Variants in RASEF observed in about 807,000 individuals in gnomAD.
The protein encoded by RASEF is ras and EF-hand domain-containing protein.
In RASEF, 68 loss-of-function variants were observed where a neutral mutation model predicts 90.1. That is an observed-to-expected ratio of 0.75 (90% CI 0.62 to 0.92). The LOEUF (loss-of-function observed/expected upper bound fraction) is 0.92, where lower values mean the gene tolerates loss of function less well. RASEF is among the 40% of genes least tolerant of loss of function. The pLI is 0.00. For missense variants in RASEF, 949 were observed against 937.2 expected (o/e 1.01, Z -0.16); for synonymous variants, 331 against 345.2 (o/e 0.96, Z 0.46).
At chr9:83,064,700 A>C (rs886561932), upstream of RASEF, among the ~76,000 whole-genome samples, 13 of 152,204 alleles carry the variant, frequency 8.5e-5, no homozygotes, top group African/African-American at 3.1e-4. Flanking sequence ...CTTTGTGCTC[A>C]TTTTTTCTGA....
At chr9:83,080,302 C>T in the RASEF span, among the ~76,000 whole-genome samples, 1 of 152,188 alleles carries the variant, frequency 6.6e-6, no homozygotes, top group Admixed American at 6.5e-5. Context: ...AGGAGACAGT[C>T]ATGCATCACA....
At chr9:83,048,343 T>C (rs905565894) in intron 1 of RASEF, 1 of 985,380 alleles carries the variant, frequency 1.0e-6, no homozygotes, top group Non-Finnish European at 1.2e-6. Flanking sequence ...GTAGCTGGTC[T>C]GTTTGATTTC....
intron 1 of RASEF, among the ~76,000 whole-genome samples, chr9:83,026,232 T>C (rs1448178440): frequency 6.6e-6 from 1 of 152,210 alleles, no homozygotes; most frequent in East Asian, 1.9e-4. Context: ...AAAAATTAGG[T>C]AACATTAAAT....
chr9:83,160,569 G>C, the RASEF span, among the ~76,000 whole-genome samples: 5 of 152,164 alleles, frequency 3.3e-5, no homozygotes, highest in Non-Finnish European at 7.4e-5. Flanking sequence ...TAAAAGTTTG[G>C]AAAATTTGCA....
intron 13 of RASEF, among the ~76,000 whole-genome samples, chr9:82,997,632 C>T (rs1175136630): frequency 6.6e-6 from 1 of 152,146 alleles, no homozygotes; most frequent in Non-Finnish European, 1.5e-5. Context: ...GAAGAGAACA[C>T]CTCAACACAC....
At chr9:83,144,322 AGAAG>A in the RASEF span, among the ~76,000 whole-genome samples, 4,729 of 113,730 alleles carry the variant, frequency 0.042, 365 homozygotes, top group African/African-American at 0.12. Flanking sequence ...AAAGAAAGAA[AGAAG>A]GAAAGAAAGA....
At chr9:83,173,618 TC>T in the RASEF span, among the ~76,000 whole-genome samples, 1 of 151,866 alleles carries the variant, frequency 6.6e-6, no homozygotes, top group Non-Finnish European at 1.5e-5. Context: ...TTGTTAAATT[TC>T]TTTGATAGCA....
At chr9:83,168,564 C>T in the RASEF span, among the ~76,000 whole-genome samples, 898 of 152,196 alleles carry the variant, frequency 5.9e-3, 11 homozygotes, top group African/African-American at 0.021. Context: ...AATCATCCAT[C>T]TGATGAGGGA....
chr9:83,004,103 TATA>T (rs1252994003), intron 9 of RASEF, among the ~76,000 whole-genome samples: 1 of 152,192 alleles, frequency 6.6e-6, no homozygotes, highest in African/African-American at 2.4e-5. Flanking sequence ...ACATAGCTCA[TATA>T]ATATTATGCT....
chr9:83,017,205 G>T (rs1239112395), intron 3 of RASEF, among the ~76,000 whole-genome samples: 1 of 151,760 alleles, frequency 6.6e-6, no homozygotes, highest in Non-Finnish European at 1.5e-5. Context: ...CTTTATCCAG[G>T]CCAGGCATGG....
At chr9:83,036,719 G>A (rs1283617248) in intron 1 of RASEF, among the ~76,000 whole-genome samples, 2 of 152,092 alleles carry the variant, frequency 1.3e-5, no homozygotes, top group African/African-American at 4.8e-5. Flanking sequence ...ACAAAAAAGG[G>A]ACTTTAGGGA....
chr9:83,000,864 G>C (rs1328166992), intron 10 of RASEF, 32 bp downstream of exon 10: 1 of 1,534,818 alleles, frequency 6.5e-7, no homozygotes, highest in South Asian at 1.1e-5. Context: ...TCACGTAGAA[G>C]GCCTAGGAGA....
At chr9:83,049,443 AC>A in intron 1 of RASEF, 1 of 596,676 alleles carries the variant, frequency 1.7e-6, no homozygotes, top group Non-Finnish European at 2.1e-6. Context: ...TTCTATTTAG[AC>A]CACAGAAAAT....
rs202092256 is a variant in RASEF, at chr9:83,015,716, A to G, written c.765+89T>C. 2.0e-4 allele frequency: 191 copies of G among 936,656 alleles called. 1 individual carries two copies. The East Asian group carries it at 3.1e-3, about 15-fold the overall frequency. 58.0% of individuals were successfully genotyped at this position (936,656 alleles called of 1,614,324 possible). Reference sequence around the variant, plus strand: ...GAAATCTGATCTATCCGCCACTTCAATAGGATTCCAAATGTTTTTGGTTGT... The same window carrying G: ...GAAATCTGATCTATCCGCCACTTCAGTAGGATTCCAAATGTTTTTGGTTGT... On this transcript the variant is annotated intron_variant, in intron 4 of 16. Coordinates refer to ENST00000376447, the MANE Select transcript of RASEF (RefSeq NM_152573.4).
the RASEF span, among the ~76,000 whole-genome samples, chr9:83,091,140 C>T: frequency 6.6e-6 from 1 of 152,172 alleles, no homozygotes; most frequent in African/African-American, 2.4e-5. Flanking sequence ...CAAAGAGTCT[C>T]AAGATCAACC....
chr9:83,089,902 A>G, the RASEF span, among the ~76,000 whole-genome samples: 1 of 138,230 alleles, frequency 7.2e-6, no homozygotes, highest in African/African-American at 2.7e-5. Flanking sequence ...TGATAGATAG[A>G]TAGATAGATA....
chr9:82,983,405 C>T (rs1055196092), intron 16 of RASEF, among the ~76,000 whole-genome samples: 30 of 152,040 alleles, frequency 2.0e-4, no homozygotes, highest in African/African-American at 5.8e-4. Context: ...GCAAGACTCA[C>T]GAAAAAATGT....
intron 16 of RASEF, 39 bp from the exon 17 acceptor site, chr9:82,982,821 G>C (rs764794497): frequency 1.8e-6 from 2 of 1,138,742 alleles, no homozygotes; most frequent in East Asian, 2.4e-5. Flanking sequence ...GAGAGAGAGA[G>C]AGAGAGAGAG....
the RASEF span, among the ~76,000 whole-genome samples, chr9:83,080,262 A>G: frequency 6.6e-6 from 1 of 152,222 alleles, no homozygotes; most frequent in African/African-American, 2.4e-5. Context: ...TGTAGCAAAC[A>G]TATTTCCACT....
Sources: allele counts gnomAD v4.1 joint callset (sites outside exome capture counted in the v4.1 genomes callset), GRCh38; gene constraint gnomAD v4.1.1; transcripts MANE v1.5; gene names NCBI Gene and HGNC (gene_info 2026-07-23, HGNC 2026-07-21).